MSRA: variants seen among roughly 807,000 people sequenced by gnomAD.
The protein encoded by MSRA is mitochondrial peptide methionine sulfoxide reductase.
A neutral mutation model predicts 31.3 loss-of-function variants in MSRA; 54 were observed. The ratio of observed to expected loss-of-function variants is 1.73; its 90% CI spans 1.39 to 2.17. The LOEUF (loss-of-function observed/expected upper bound fraction) is 2.17. MSRA is among the 30% of genes most tolerant of loss of function. The pLI is 0.00. For synonymous variants in MSRA, 169 were observed against 116.5 expected (o/e 1.45, Z -2.90); for missense variants, 507 against 300.9 (o/e 1.69, Z -5.07).
intron 5 of MSRA, among the ~76,000 whole-genome samples, chr8:10,388,176 A>G (rs1018970688): frequency 2.0e-5 from 3 of 152,364 alleles, no homozygotes; most frequent in East Asian, 1.9e-4. Context: ...TTGGGCTTCA[A>G]TACCCTCTTC....
At chr8:10,072,704 A>T (rs186432163) in intron 1 of MSRA, among the ~76,000 whole-genome samples, 2 of 152,378 alleles carry the variant, frequency 1.3e-5, no homozygotes, top group East Asian at 1.9e-4. Context: ...TGTCTTTATT[A>T]TGCTGAGTCT....
chr8:10,202,900 G>T (rs904546846), intron 1 of MSRA, among the ~76,000 whole-genome samples: 1 of 152,160 alleles, frequency 6.6e-6, no homozygotes, highest in African/African-American at 2.4e-5. Context: ...ACTAAGCCAA[G>T]ATCATATGGG....
At chr8:10,247,028 T>A (rs1443879104) in intron 3 of MSRA, among the ~76,000 whole-genome samples, 1 of 152,238 alleles carries the variant, frequency 6.6e-6, no homozygotes, top group Non-Finnish European at 1.5e-5. Flanking sequence ...GCTTTATACC[T>A]ATTATCCTCA....
At chr8:10,300,153 C>T (rs138590424) in intron 3 of MSRA, among the ~76,000 whole-genome samples, 1,521 of 138,594 alleles carry the variant, frequency 0.011, 10 homozygotes, top group Non-Finnish European at 0.017. Context: ...TGTGTGTGCA[C>T]GCGTGCATGC....
intron 4 of MSRA, among the ~76,000 whole-genome samples, chr8:10,305,796 C>G (rs1205966955): frequency 6.6e-6 from 1 of 152,056 alleles, no homozygotes; most frequent in Non-Finnish European, 1.5e-5. Flanking sequence ...TAGGTGAGGC[C>G]CGAGACCTGT....
chr8:10,162,539 G>T (rs1009823999), intron 1 of MSRA, among the ~76,000 whole-genome samples: 1 of 152,168 alleles, frequency 6.6e-6, no homozygotes, highest in South Asian at 2.1e-4. Context: ...GGCAGGTGAC[G>T]GGAGGAGGAC....
intron 2 of MSRA, among the ~76,000 whole-genome samples, chr8:10,240,282 C>T (rs1209123278): frequency 2.6e-5 from 4 of 152,136 alleles, no homozygotes; most frequent in African/African-American, 4.8e-5. Context: ...TGTTGCTGGC[C>T]ATTTGGACAT....
At chr8:10,200,627 A>G (rs1808409293) in intron 1 of MSRA, among the ~76,000 whole-genome samples, 1 of 152,040 alleles carries the variant, frequency 6.6e-6, no homozygotes, top group African/African-American at 2.4e-5. Flanking sequence ...GGGAGGGGAG[A>G]AGCCCCTCCC....
At chr8:10,394,494 C>A (rs564276692) in intron 5 of MSRA, among the ~76,000 whole-genome samples, 1 of 152,368 alleles carries the variant, frequency 6.6e-6, no homozygotes, top group African/African-American at 2.4e-5. Flanking sequence ...TTGACTAGCT[C>A]ATTTTCAGTT....
At chr8:10,109,178 TA>T (rs1183713125) in intron 1 of MSRA, among the ~76,000 whole-genome samples, 1 of 152,140 alleles carries the variant, frequency 6.6e-6, no homozygotes, top group Non-Finnish European at 1.5e-5. Flanking sequence ...TGCCTGCCTT[TA>T]AAAAAAGCAC....
At chr8:10,129,901 T>C (rs1388356378) in intron 1 of MSRA, among the ~76,000 whole-genome samples, 3 of 152,154 alleles carry the variant, frequency 2.0e-5, no homozygotes, top group Admixed American at 6.5e-5. Flanking sequence ...ATGATAAATA[T>C]GAATACATAC....
At chr8:10,420,018 T>C (rs1808715787) in intron 5 of MSRA, among the ~76,000 whole-genome samples, 1 of 152,210 alleles carries the variant, frequency 6.6e-6, no homozygotes, top group South Asian at 2.1e-4. Context: ...GTGCTTGTCA[T>C]GTTCCCAGAT....
chr8:10,238,526 G>A (rs7828040), intron 2 of MSRA, among the ~76,000 whole-genome samples: 1 of 152,120 alleles, frequency 6.6e-6, no homozygotes, highest in Non-Finnish European at 1.5e-5. Context: ...AAAAATATTT[G>A]TTGAATAAAT....
intron 2 of MSRA, among the ~76,000 whole-genome samples, chr8:10,232,513 C>G (rs377730026): frequency 6.6e-6 from 1 of 152,104 alleles, no homozygotes; most frequent in African/African-American, 2.4e-5. Context: ...TAGTGGTCGG[C>G]CTCTTAGGTA....
intron 2 of MSRA, among the ~76,000 whole-genome samples, chr8:10,231,935 G>C (rs774816953): frequency 1.3e-5 from 2 of 150,658 alleles, no homozygotes; most frequent in Non-Finnish European, 3.0e-5. Flanking sequence ...AAAAATAAAA[G>C]GGTAAACAGG....
chr8:10,112,275 C>G (rs1800345871), intron 1 of MSRA, among the ~76,000 whole-genome samples: 1 of 152,196 alleles, frequency 6.6e-6, no homozygotes, highest in Admixed American at 6.5e-5. Flanking sequence ...AAGAGACTGA[C>G]CATCTTGATA....
intron 1 of MSRA, among the ~76,000 whole-genome samples, chr8:10,114,189 A>G (rs1243745303): frequency 6.6e-6 from 1 of 152,100 alleles, no homozygotes; most frequent in Non-Finnish European, 1.5e-5. Flanking sequence ...TTGACATACC[A>G]TATTTTGACA....
chr8:10,386,434 G>A (rs1275524259), intron 5 of MSRA, among the ~76,000 whole-genome samples: 2 of 152,186 alleles, frequency 1.3e-5, no homozygotes, highest in Non-Finnish European at 2.9e-5. Flanking sequence ...ATATGATGAT[G>A]TTCACTGGAG....
intron 5 of MSRA, among the ~76,000 whole-genome samples, chr8:10,347,349 C>T (rs932227635): frequency 6.6e-6 from 1 of 152,212 alleles, no homozygotes; most frequent in South Asian, 2.1e-4. Flanking sequence ...GGATATTCCA[C>T]TTGCATCTCA....
Sources: allele counts gnomAD v4.1 joint callset (sites outside exome capture counted in the v4.1 genomes callset), GRCh38; gene constraint gnomAD v4.1.1; transcripts MANE v1.5; gene names NCBI Gene and HGNC (gene_info 2026-07-23, HGNC 2026-07-21).